SUGCT: variants seen among roughly 807,000 people sequenced by gnomAD.
SUGCT encodes succinyl-CoA:glutarate CoA-transferase.
Under a neutral mutation model 55.0 loss-of-function variants are expected in SUGCT, and 41 were observed. The ratio of observed to expected loss-of-function variants is 0.74; its 90% CI spans 0.58 to 0.97. The LOEUF (loss-of-function observed/expected upper bound fraction) is 0.97. SUGCT is among the 50% of genes least tolerant of loss of function. The pLI, the probability that SUGCT is intolerant of heterozygous loss-of-function variation, is 0.00. For synonymous variants in SUGCT, 187 were observed against 200.4 expected (o/e 0.93, Z 0.56); for missense variants, 568 against 547.8 (o/e 1.04, Z -0.37).
intron 9 of SUGCT, among the ~76,000 whole-genome samples, chr7:40,440,145 GTTTTTTTTTTT>G (rs138984553): frequency 2.3e-4 from 16 of 68,456 alleles, no homozygotes; most frequent in African/African-American, 7.4e-4. Context: ...GTGTGTGTGT[GTTTTTTTTTTT>G]TTTTTTTTTT....
intron 13 of SUGCT, among the ~76,000 whole-genome samples, chr7:40,786,048 A>G (rs1343381012): frequency 6.6e-6 from 1 of 152,318 alleles, no homozygotes. Context: ...GCAGTGAGCT[A>G]TGATTGCCCT....
intron 12 of SUGCT, among the ~76,000 whole-genome samples, chr7:40,589,995 A>G (rs539681667): frequency 2.0e-4 from 31 of 152,202 alleles, no homozygotes; most frequent in South Asian, 8.3e-4. Flanking sequence ...ACTGGTGCCA[A>G]TGTTTGAACA....
At chr7:40,251,202 C>T (rs1245802127) in intron 7 of SUGCT, among the ~76,000 whole-genome samples, 8 of 152,184 alleles carry the variant, frequency 5.3e-5, no homozygotes, top group Admixed American at 5.2e-4. Flanking sequence ...CAATGATTAG[C>T]ATTCGAACAT....
chr7:40,393,297 T>C (rs73136972), intron 9 of SUGCT, among the ~76,000 whole-genome samples: 1 of 152,234 alleles, frequency 6.6e-6, no homozygotes, highest in Non-Finnish European at 1.5e-5. Context: ...AGACACAATT[T>C]CAGAAAAATG....
At chr7:40,615,568 A>G (rs2151780798) in intron 12 of SUGCT, among the ~76,000 whole-genome samples, 1 of 152,294 alleles carries the variant, frequency 6.6e-6, no homozygotes, top group Non-Finnish European at 1.5e-5. Flanking sequence ...TGGGTACCCA[A>G]CACATCGCTG....
Position 40,192,218 on chromosome 7 carries a change from G to A in SUGCT, c.363+2624G>A, listed in dbSNP as rs559092352. ...TTTAGTTTATAGAAACAGTTCCAAA[G>A]TATTACACAAGGCAATCAGCTGGAT... On this transcript the variant is annotated intron_variant, in intron 5 of 13. Transcript: ENST00000335693. Among the ~76,000 whole-genome samples, 31 of 151,064 alleles carry A rather than the reference G, an allele frequency of 2.1e-4. No homozygotes were observed. In the East Asian group the frequency reaches 5.3e-3, roughly 26 times the overall value.
intron 13 of SUGCT, among the ~76,000 whole-genome samples, chr7:40,771,335 G>A (rs1263816378): frequency 6.6e-6 from 1 of 152,132 alleles, no homozygotes; most frequent in Non-Finnish European, 1.5e-5. Context: ...AATTATATCA[G>A]TAACTATAAC....
Position 40,737,470 on chromosome 7 carries a change from C to T in SUGCT, c.1090-11964C>T, listed in dbSNP as rs543077363. 2.0e-5 allele frequency among the ~76,000 whole-genome samples: 3 copies of T among 152,094 alleles called. No homozygotes were observed. The East Asian group carries it at 5.8e-4, about 29-fold the overall frequency. ...TGTCTATTATTTTTTCAAATGACCA[C>T]TCAGTTATTAGGATATGAATACATA... On this transcript the variant is annotated intron_variant, in intron 12 of 13. Transcript: ENST00000335693.
intron 13 of SUGCT, among the ~76,000 whole-genome samples, chr7:40,809,988 C>T (rs1791318595): frequency 6.6e-6 from 1 of 152,094 alleles, no homozygotes; most frequent in African/African-American, 2.4e-5. Flanking sequence ...TGTAGTATTC[C>T]ATGGTGTATA....
the SUGCT span, among the ~76,000 whole-genome samples, chr7:40,964,033 A>G: frequency 6.6e-6 from 1 of 152,214 alleles, no homozygotes; most frequent in Non-Finnish European, 1.5e-5. Context: ...TAAATTGAAC[A>G]TTGGTATTTA....
At chr7:40,171,195 A>G (rs1166615403) in intron 1 of SUGCT, among the ~76,000 whole-genome samples, 6 of 152,208 alleles carry the variant, frequency 3.9e-5, no homozygotes, top group Non-Finnish European at 5.9e-5. Flanking sequence ...TGGGTAAGAA[A>G]TATGAGAGAT....
At chr7:40,771,209 T>G (rs1454739147) in intron 13 of SUGCT, among the ~76,000 whole-genome samples, 1 of 152,172 alleles carries the variant, frequency 6.6e-6, no homozygotes, top group Non-Finnish European at 1.5e-5. Context: ...ATACTTAGAT[T>G]TCCCCCCCAA....
the SUGCT span, among the ~76,000 whole-genome samples, chr7:40,889,549 C>T: frequency 6.6e-6 from 1 of 152,120 alleles, no homozygotes; most frequent in Non-Finnish European, 1.5e-5. Flanking sequence ...AGAACACATG[C>T]TCAGACCCCC....
At chr7:40,155,855 AT>A (rs1369761947) in intron 1 of SUGCT, among the ~76,000 whole-genome samples, 1,397 of 132,486 alleles carry the variant, frequency 0.011, 12 homozygotes, top group African/African-American at 0.027. Context: ...GATACCTAAG[AT>A]TTTTTTTTTT....
the SUGCT span, among the ~76,000 whole-genome samples, chr7:40,998,091 G>A: frequency 6.6e-6 from 1 of 152,176 alleles, no homozygotes; most frequent in African/African-American, 2.4e-5. Flanking sequence ...AAGTAGGTGT[G>A]GGCAGTGGCT....
Position 40,814,945 on chromosome 7 carries a change from G to A in SUGCT, c.1154-45371G>A, listed in dbSNP as rs576513912. Among the ~76,000 whole-genome samples the A allele has an allele frequency of 6.6e-5, 10 of 152,188 alleles. No individual in the cohort carries two copies. In the South Asian group the frequency reaches 1.9e-3, roughly 28 times the overall value. On this transcript the variant is annotated intron_variant, in intron 13 of 13. Coordinates refer to ENST00000335693, the MANE Select transcript of SUGCT (RefSeq NM_001193313.2). ...GTGACTGTAGAGAATGCTGGGTAGG[G>A]TCTTTTGGCTTTGTTTCTATAGCCC... is the stretch of plus-strand genomic sequence containing the variant.
At chr7:40,436,247 C>T (rs1193740859) in intron 9 of SUGCT, among the ~76,000 whole-genome samples, 1 of 151,882 alleles carries the variant, frequency 6.6e-6, no homozygotes, top group African/African-American at 2.4e-5. Context: ...CTGGCCATGA[C>T]TGCTTCCTAG....
intron 9 of SUGCT, among the ~76,000 whole-genome samples, chr7:40,333,190 G>A (rs1254368220): frequency 6.6e-6 from 1 of 152,076 alleles, no homozygotes; most frequent in South Asian, 2.1e-4. Flanking sequence ...GAGCATCAGG[G>A]TTGGATGAAA....
At position 40,772,442 on chromosome 7, in the gene SUGCT, G is replaced by C. The variant is rs190637399; in HGVS notation, c.1153+22945G>C. 1.8e-3 allele frequency among the ~76,000 whole-genome samples: 268 copies of C among 151,984 alleles called. 1 individual carries two copies. The highest frequency in any genetic ancestry group is 6.3e-3 in the African/African-American group (260 of 41,444). ...ACTATGAGATTTTCCAGCATTCATCGTGATAGACGCTAGATCTCCAGAGCA... is the reference window on the plus strand; with the variant it reads ...ACTATGAGATTTTCCAGCATTCATCCTGATAGACGCTAGATCTCCAGAGCA... On this transcript the variant is annotated intron_variant, in intron 13 of 13. Transcript: ENST00000335693.
Sources: allele counts gnomAD v4.1 joint callset (sites outside exome capture counted in the v4.1 genomes callset), GRCh38; gene constraint gnomAD v4.1.1; transcripts MANE v1.5; gene names NCBI Gene and HGNC (gene_info 2026-07-23, HGNC 2026-07-21).